The following RBFOX2 variants were observed in gnomAD, a reference collection of about 807,000 sequenced individuals.
The protein encoded by RBFOX2 is RNA binding fox-1 homolog 2.
RBFOX2 carries 10 observed loss-of-function variants against 49.1 expected under a neutral mutation model. The ratio of observed to expected loss-of-function variants is 0.20; its 90% CI spans 0.13 to 0.35. The LOEUF is 0.35. Among genes scored for constraint, RBFOX2 ranks in the 10% least tolerant of loss-of-function variants. RBFOX2 has a pLI of 1.00. For missense variants in RBFOX2, 323 were observed against 486.9 expected, an observed-to-expected ratio of 0.66 and a Z score of 3.17; for synonymous variants, 183 against 187.4, an observed-to-expected ratio of 0.98 and a Z score of 0.19.
At chr22:35,753,147 T>C (rs1159912890) in intron 9 of RBFOX2, among the ~76,000 whole-genome samples, 1 of 152,232 alleles carries the variant, frequency 6.6e-6, no homozygotes, top group African/African-American at 2.4e-5. Flanking sequence ...TCCGATTCGG[T>C]GCACTTTTCA....
chr22:35,834,723 C>A (rs1038047715), intron 1 of RBFOX2, among the ~76,000 whole-genome samples: 4 of 151,986 alleles, frequency 2.6e-5, no homozygotes, highest in African/African-American at 9.7e-5. Flanking sequence ...GTTAAGAGAA[C>A]AGCAAAGAGG....
At chr22:35,955,953 G>A (rs957622161) in intron 1 of RBFOX2, among the ~76,000 whole-genome samples, 10 of 152,170 alleles carry the variant, frequency 6.6e-5, no homozygotes, top group Non-Finnish European at 1.5e-4. Context: ...CCTATCTCTA[G>A]ATATTCTTCT....
chr22:35,899,857 G>A (rs1227785075), intron 1 of RBFOX2, among the ~76,000 whole-genome samples: 2 of 152,190 alleles, frequency 1.3e-5, no homozygotes, highest in South Asian at 2.1e-4. Flanking sequence ...TCAGAGGAGA[G>A]AATGTGTCCA....
chr22:35,874,399 G>A (rs2044750975), intron 1 of RBFOX2, among the ~76,000 whole-genome samples: 1 of 152,100 alleles, frequency 6.6e-6, no homozygotes, highest in Non-Finnish European at 1.5e-5. Flanking sequence ...CTTACAAGTT[G>A]TCAAAAACAT....
chr22:35,921,499 A>C (rs1378636870), intron 1 of RBFOX2, among the ~76,000 whole-genome samples: 2 of 152,244 alleles, frequency 1.3e-5, no homozygotes, highest in Non-Finnish European at 2.9e-5. Flanking sequence ...AATAAGACTT[A>C]CAAAGTCTTC....
At chr22:35,919,585 G>A (rs1180176428) in intron 1 of RBFOX2, among the ~76,000 whole-genome samples, 1 of 152,082 alleles carries the variant, frequency 6.6e-6, no homozygotes, top group African/African-American at 2.4e-5. Context: ...GTTTCTTGTG[G>A]AATACTAAAA....
intron 1 of RBFOX2, among the ~76,000 whole-genome samples, chr22:36,020,107 C>CCTGAT (rs1456915183): frequency 6.6e-6 from 1 of 152,116 alleles, no homozygotes; most frequent in African/African-American, 2.4e-5. Context: ...TCTACAACCA[C>CCTGAT]CTGATCTTTG....
chr22:35,778,246 C>G (rs148809503), intron 3 of RBFOX2, among the ~76,000 whole-genome samples, 168 bp from the exon 5 acceptor site: 17 of 152,170 alleles, frequency 1.1e-4, no homozygotes, highest in South Asian at 2.1e-4. Flanking sequence ...GATTTTTCCT[C>G]GTCACTGAGC....
At chr22:36,026,117 T>A (rs1241877640) in intron 1 of RBFOX2, among the ~76,000 whole-genome samples, 2 of 151,692 alleles carry the variant, frequency 1.3e-5, no homozygotes, top group East Asian at 3.9e-4. Flanking sequence ...ATAAGAAAAA[T>A]TAGCTGGGCA....
At chr22:36,010,965 C>A (rs1414246395) in intron 1 of RBFOX2, among the ~76,000 whole-genome samples, 1 of 152,054 alleles carries the variant, frequency 6.6e-6, no homozygotes, top group Non-Finnish European at 1.5e-5. Flanking sequence ...AGAAACTAAA[C>A]CTTCCTTTCT....
intron 1 of RBFOX2, among the ~76,000 whole-genome samples, chr22:35,890,458 T>G (rs1483873537): frequency 1.3e-5 from 2 of 152,192 alleles, no homozygotes. Flanking sequence ...ATAATAAAAG[T>G]TACACGAATG....
chr22:35,788,064 A>G (rs1045984866), intron 2 of RBFOX2, among the ~76,000 whole-genome samples: 4 of 152,242 alleles, frequency 2.6e-5, no homozygotes, highest in African/African-American at 9.6e-5. Context: ...TTTAAGTCTC[A>G]GAATCTCATC....
At chr22:35,910,730 G>A (rs1241509871) in intron 1 of RBFOX2, among the ~76,000 whole-genome samples, 1 of 151,944 alleles carries the variant, frequency 6.6e-6, no homozygotes, top group Non-Finnish European at 1.5e-5. Flanking sequence ...GGAGGTTGAG[G>A]GTCTTCTGAA....
chr22:35,776,760 A>C (rs1188651259), intron 4 of RBFOX2, among the ~76,000 whole-genome samples: 1 of 152,240 alleles, frequency 6.6e-6, no homozygotes, highest in African/African-American at 2.4e-5. Context: ...TGAAAGTAGC[A>C]ACAGCAAGGT....
intron 2 of RBFOX2, among the ~76,000 whole-genome samples, chr22:35,785,369 C>G (rs1264805671): frequency 6.6e-6 from 1 of 152,190 alleles, no homozygotes; most frequent in Non-Finnish European, 1.5e-5. Flanking sequence ...CTATGAAGTG[C>G]ATGCCAAACC....
At chr22:35,926,329 AT>A (rs1328226999) in intron 1 of RBFOX2, among the ~76,000 whole-genome samples, 1 of 152,188 alleles carries the variant, frequency 6.6e-6, no homozygotes, top group Non-Finnish European at 1.5e-5. Context: ...AGTCAGATGA[AT>A]TTCTCGATTT....
At chr22:35,787,212 A>G (rs1343223218) in intron 2 of RBFOX2, among the ~76,000 whole-genome samples, 1 of 151,956 alleles carries the variant, frequency 6.6e-6, no homozygotes, top group African/African-American at 2.4e-5. Context: ...ACTAATTTTT[A>G]TATTTTTTGT....
chr22:35,766,460 A>C (rs1344571424), intron 5 of RBFOX2, among the ~76,000 whole-genome samples: 4 of 152,202 alleles, frequency 2.6e-5, no homozygotes, highest in Non-Finnish European at 5.9e-5. Context: ...TTATGAAAAG[A>C]CCAATTTTAG....
rs1009021083 is a variant in RBFOX2, at chr22:35,933,953, T to TATATATATATATAC, written c.-34+4893_-34+4894insGTATATATATATAT. On this transcript the variant is annotated intron_variant, in intron 1 of 13. Coordinates refer to the RBFOX2 transcript ENST00000359369. ...ATATATATATATATATATATATATA[T>TATATATATATATAC]ACACACATCAATGAAATAAATTAGA... Among the ~76,000 whole-genome samples, 369 of 141,022 alleles carry TATATATATATATAC rather than the reference T, an allele frequency of 2.6e-3. 3 individuals carry two copies. Among genetic ancestry groups the TATATATATATATAC allele is most frequent in the African/African-American group, 8.5e-3 (303 of 35,730 alleles). The allele number at this position is 141,022 out of a possible 152,430, so 92.5% of individuals were successfully genotyped here. A position where few individuals can be genotyped will look rare whatever the true frequency, so the allele number is the denominator to read the frequency against.
Sources: allele counts gnomAD v4.1 joint callset (sites outside exome capture counted in the v4.1 genomes callset), GRCh38; gene constraint gnomAD v4.1.1; transcripts MANE v1.5; gene names NCBI Gene and HGNC (gene_info 2026-07-23, HGNC 2026-07-21).